TEAD4: variants seen among roughly 807,000 people sequenced by gnomAD.
The protein encoded by TEAD4 is TEA domain transcription factor 4, also known as transcriptional enhancer factor TEF-3.
In TEAD4, 36 loss-of-function variants were observed where a neutral mutation model predicts 52.4. That is an observed-to-expected ratio of 0.69 (90% CI 0.53 to 0.91). The LOEUF is 0.91. Ranked by LOEUF, TEAD4 falls within the 40% of genes least tolerant of loss-of-function variation. The probability of loss-of-function intolerance (pLI) is 0.00; values close to 1 mark genes in which losing one functional copy is unlikely to be tolerated. For missense variants in TEAD4, 508 were observed against 583.9 expected (o/e 0.87, Z 1.34); for synonymous variants, 220 against 231.0 (o/e 0.95, Z 0.43).
chr12:2,981,117 A>G (rs1420829698), intron 2 of TEAD4, among the ~76,000 whole-genome samples: 2 of 152,062 alleles, frequency 1.3e-5, no homozygotes, highest in African/African-American at 2.4e-5. Context: ...TGAAACTGGC[A>G]CCTCCTAGTG....
At chr12:3,004,455 T>C (rs1374836607) in intron 3 of TEAD4, among the ~76,000 whole-genome samples, 1 of 152,170 alleles carries the variant, frequency 6.6e-6, no homozygotes, top group Non-Finnish European at 1.5e-5. Flanking sequence ...GGTCCAGCCC[T>C]GCTTCTGAGA....
intron 2 of TEAD4, among the ~76,000 whole-genome samples, chr12:2,976,293 T>A (rs112408095): frequency 0.07 from 10,660 of 151,770 alleles, 511 homozygotes; most frequent in Admixed American, 0.1. Context: ...ATTACAGGCG[T>A]GAACCTCCAC....
At chr12:3,011,995 T>C (rs1483724991) in intron 4 of TEAD4, among the ~76,000 whole-genome samples, 175 bp from the exon 5 acceptor site, 1 of 152,202 alleles carries the variant, frequency 6.6e-6, no homozygotes, top group Non-Finnish European at 1.5e-5. Context: ...ACTGCCGGTT[T>C]CTGGATTAGC....
At chr12:3,029,223 C>T (rs956597434) in intron 10 of TEAD4, among the ~76,000 whole-genome samples, 3 of 140,968 alleles carry the variant, frequency 2.1e-5, no homozygotes, top group East Asian at 2.1e-4. Context: ...TGCACTACTA[C>T]GCCTGGCCAA....
chr12:2,994,834 C>G lies in TEAD4; in HGVS notation c.68C>G (p.Thr23Ser). ...TCTCCCACCTCCCCTGAGGGGAGCA[C>G]CGCCTCTGGGGGCAGTCAGGCACTG... The change falls in exon 3 of 13, where the codon ACC (threonine) becomes AGC (serine). Residue 23 changes from threonine to serine, a missense_variant. Thr to Ser is a moderately conservative substitution (Grantham distance 58). Coordinates refer to ENST00000359864, the MANE Select transcript of TEAD4 (RefSeq NM_003213.4). This position sits in a 1 kb window ranked among gnomAD's most constrained non-coding sequence, Gnocchi z 4.7. The G allele has an allele frequency of 6.2e-7, 1 of 1,614,054 alleles. No homozygotes were observed. The highest frequency in any genetic ancestry group is 8.5e-7 in the Non-Finnish European group (1 of 1,180,016).
chr12:3,020,596 C>G (rs777522172), intron 8 of TEAD4, 38 bp from the exon 9 acceptor site: 1 of 1,495,648 alleles, frequency 6.7e-7, no homozygotes, highest in African/African-American at 1.4e-5. Context: ...GGCGGGTGTC[C>G]GTGACCAGGT....
At chr12:2,968,455 C>T (rs1041430093) in intron 2 of TEAD4, among the ~76,000 whole-genome samples, 1 of 128,626 alleles carries the variant, frequency 7.8e-6, no homozygotes, top group African/African-American at 3.0e-5. Flanking sequence ...TAGAGTGCAG[C>T]GTTGCAATCA....
At chr12:2,965,079 T>C (rs1237554567) in intron 2 of TEAD4, among the ~76,000 whole-genome samples, 1 of 152,196 alleles carries the variant, frequency 6.6e-6, no homozygotes, top group Admixed American at 6.5e-5. Context: ...GATTTGTTTC[T>C]TCAAGGAAGC....
chr12:3,005,687 G>C (rs2098255394), intron 3 of TEAD4, among the ~76,000 whole-genome samples: 1 of 152,098 alleles, frequency 6.6e-6, no homozygotes, highest in Non-Finnish European at 1.5e-5. Context: ...TTTTAGTAGA[G>C]ACGGGGTTTC....
At chr12:3,015,917 G>A (rs1417302729) in intron 5 of TEAD4, among the ~76,000 whole-genome samples, 3 of 152,166 alleles carry the variant, frequency 2.0e-5, no homozygotes, top group Non-Finnish European at 2.9e-5. Context: ...GGTGGCTCAT[G>A]CCTATAATCC....
intron 2 of TEAD4, among the ~76,000 whole-genome samples, chr12:2,972,491 CTTT>C (rs751852771): frequency 8.6e-5 from 3 of 34,792 alleles, no homozygotes; most frequent in East Asian, 1.1e-3. Context: ...CAGCATGTCT[CTTT>C]TTTTTTTTTT....
At chr12:2,984,741 T>C (rs564301836) in intron 2 of TEAD4, among the ~76,000 whole-genome samples, 7 of 152,336 alleles carry the variant, frequency 4.6e-5, no homozygotes, top group South Asian at 2.1e-4. Flanking sequence ...TAACTCTAAG[T>C]GTTAGTATTT....
At chr12:3,029,585 T>G (rs1036103970) in intron 10 of TEAD4, among the ~76,000 whole-genome samples, 5 of 152,010 alleles carry the variant, frequency 3.3e-5, no homozygotes, top group Non-Finnish European at 5.9e-5. Context: ...GTCACTATGT[T>G]GCCCAGGCTG....
chr12:2,994,753 C>A lies in TEAD4; in HGVS notation c.-14C>A. ...GTCCCCACAGGTCCAACGAGCGCTCCTCCAAGCGGAGCCTTGGAGGGCACG... is the reference window on the plus strand; with the variant it reads ...GTCCCCACAGGTCCAACGAGCGCTCATCCAAGCGGAGCCTTGGAGGGCACG... On this transcript the variant is annotated 5_prime_UTR_variant, in exon 3 of 13. Transcript: ENST00000359864. This position sits in a 1 kb window ranked among gnomAD's most constrained non-coding sequence, Gnocchi z 4.7. The A allele has an allele frequency of 3.8e-6, 6 of 1,596,608 alleles. No homozygotes were observed. The highest frequency in any genetic ancestry group is 5.1e-6 in the Non-Finnish European group (6 of 1,171,004).
rs1388236939 is a variant in TEAD4, at chr12:2,959,575, C to T, written c.-123+94C>T. On this transcript the variant is annotated intron_variant, in intron 1 of 12. Coordinates refer to ENST00000359864, the MANE Select transcript of TEAD4 (RefSeq NM_003213.4). The surrounding 1 kb of genome is among the most constrained non-coding windows in gnomAD (Gnocchi z 5.1). Reference sequence around the variant, plus strand: ...CCGACCGCTCGCGCCGCGTGCTCGGCTGCTCTTTTCTTTCCGCCGCCCGCG... The same window carrying T: ...CCGACCGCTCGCGCCGCGTGCTCGGTTGCTCTTTTCTTTCCGCCGCCCGCG... 1 of 150,520 alleles carries T rather than the reference C, an allele frequency of 6.6e-6. No homozygotes were observed. The highest frequency in any genetic ancestry group is 1.5e-5 in the Non-Finnish European group (1 of 67,438). The allele number at this position is 150,520 out of a possible 1,614,324, so 9.3% of individuals were successfully genotyped here.
intron 10 of TEAD4, among the ~76,000 whole-genome samples, chr12:3,029,050 G>C (rs1273946497): frequency 4.6e-5 from 7 of 151,916 alleles, no homozygotes; most frequent in Non-Finnish European, 8.8e-5. Flanking sequence ...CCATTCTGTT[G>C]AATGTCTTTT....
At chr12:3,030,605 CT>C (rs1015724493) in intron 10 of TEAD4, among the ~76,000 whole-genome samples, 3 of 152,254 alleles carry the variant, frequency 2.0e-5, no homozygotes, top group Admixed American at 1.3e-4. Context: ...TCTTTGTTTT[CT>C]TTATCTTTGT....
At chr12:3,026,591 A>G (rs570411012) in intron 10 of TEAD4, among the ~76,000 whole-genome samples, 3 of 152,294 alleles carry the variant, frequency 2.0e-5, no homozygotes, top group Non-Finnish European at 4.4e-5. Flanking sequence ...AAGCCCCATA[A>G]TTAGTTGTGT....
chr12:2,963,628 C>T (rs1486587375), intron 2 of TEAD4, among the ~76,000 whole-genome samples: 3 of 152,202 alleles, frequency 2.0e-5, no homozygotes, highest in African/African-American at 7.2e-5. Flanking sequence ...TTTGCCTGGA[C>T]GCTTTCTGAG....
Sources: gnomAD v4.1 joint callset for allele counts (sites outside exome capture counted in the v4.1 genomes callset) on GRCh38, gnomAD v4.1.1 for gene constraint, Gnocchi (gnomAD v3.1) non-coding constraint, MANE v1.5 for transcripts, NCBI Gene and HGNC (gene_info 2026-07-23, HGNC 2026-07-21) for gene names.